Variants in PKN2 observed in about 807,000 individuals in gnomAD.
PKN2 encodes protein kinase N2, also known as serine/threonine-protein kinase N2.
Under a neutral mutation model 119.1 loss-of-function variants are expected in PKN2, and 38 were observed. The ratio of observed to expected loss-of-function variants is 0.32; its 90% CI spans 0.25 to 0.42. The LOEUF is 0.42. Among genes scored for constraint, PKN2 ranks in the 10% least tolerant of loss-of-function variants. PKN2 has a pLI of 1.00. For missense variants in PKN2, 850 were observed against 1,165.1 expected, an observed-to-expected ratio of 0.73 and a Z score of 3.94; for synonymous variants, 390 against 384.9, an observed-to-expected ratio of 1.01 and a Z score of -0.15.
chr1:88,776,356 T>A (rs1670105001), intron 6 of PKN2, among the ~76,000 whole-genome samples: 1 of 151,344 alleles, frequency 6.6e-6, no homozygotes, highest in South Asian at 2.1e-4. Context: ...GCTTTTGTTA[T>A]CTAGGAATCT....
At chr1:88,700,590 A>T (rs1011698509) in intron 1 of PKN2, among the ~76,000 whole-genome samples, 2 of 152,198 alleles carry the variant, frequency 1.3e-5, no homozygotes, top group African/African-American at 4.8e-5. Context: ...GTCTATTAAC[A>T]TTAGATCATT....
chr1:88,774,237 T>C (rs542099050), intron 6 of PKN2, among the ~76,000 whole-genome samples: 4 of 152,274 alleles, frequency 2.6e-5, no homozygotes, highest in Admixed American at 2.0e-4. Flanking sequence ...CACTTGAGCA[T>C]TGGGTGTGCA....
Position 88,827,577 on chromosome 1 carries a change from A to G in PKN2, c.2420-904A>G, listed in dbSNP as rs185022194. ...AGCATTTTAGATTTTGGATTTTTGG[A>G]TTAGGGATGTTCAACCTGTACTCTC... On this transcript the variant is annotated intron_variant, in intron 18 of 21. Coordinates refer to ENST00000370521, the MANE Select transcript of PKN2 (RefSeq NM_006256.4). Among the ~76,000 whole-genome samples, 683 of 151,468 alleles carry G rather than the reference A, an allele frequency of 4.5e-3. 3 individuals are homozygous for G. Among genetic ancestry groups the G allele is most frequent in the Admixed American group, 6.1e-3 (93 of 15,220 alleles).
At chr1:88,830,449 C>T (rs1351248096) in intron 19 of PKN2, among the ~76,000 whole-genome samples, 2 of 152,098 alleles carry the variant, frequency 1.3e-5, no homozygotes, top group African/African-American at 4.8e-5. Flanking sequence ...CTCCTCCCCA[C>T]CCCCTTCCTT....
intron 16 of PKN2, chr1:88,816,873 A>G (rs940875016): frequency 6.6e-6 from 1 of 152,228 alleles, no homozygotes; most frequent in African/African-American, 2.4e-5. Context: ...TTCGTGAAGC[A>G]TTCCATATTT....
At chr1:88,723,115 CT>C (rs569844881) in intron 1 of PKN2, among the ~76,000 whole-genome samples, 8,711 of 147,470 alleles carry the variant, frequency 0.059, 475 homozygotes, top group African/African-American at 0.14. Flanking sequence ...AGCCAGGTAT[CT>C]TTTTTTTTTT....
At chr1:88,784,948 A>G (rs1670512612) in intron 7 of PKN2, 124 bp downstream of exon 7, 1 of 503,682 alleles carries the variant, frequency 2.0e-6, no homozygotes, top group East Asian at 3.4e-5. Flanking sequence ...ATTAAAAAAT[A>G]TTAAAACCTG....
chr1:88,749,383 G>A (rs918824689), intron 2 of PKN2, among the ~76,000 whole-genome samples: 2 of 138,958 alleles, frequency 1.4e-5, no homozygotes, highest in African/African-American at 5.4e-5. Flanking sequence ...CCAGCCCGGC[G>A]ACAGTGCGAG....
At chr1:88,710,985 T>G (rs1213565412) in intron 1 of PKN2, among the ~76,000 whole-genome samples, 1 of 152,134 alleles carries the variant, frequency 6.6e-6, no homozygotes, top group Non-Finnish European at 1.5e-5. Context: ...AGAATGAGAT[T>G]ATGTCTTCTG....
rs182213117 is a variant in PKN2 at position 88,799,635 on chromosome 1, G to A, written c.1282-4756G>A. Among the ~76,000 whole-genome samples, 16 of 152,276 alleles carry A rather than the reference G, an allele frequency of 1.1e-4. No individual in the cohort carries two copies. In the East Asian group the frequency reaches 3.1e-3, roughly 29 times the overall value. On this transcript the variant is annotated intron_variant, in intron 8 of 21. Transcript: ENST00000370521. ...TTGCCTTGCCTTGCTTTTCACAACA[G>A]CATTCATCTATGGCCACCAACTCCT...
intron 1 of PKN2, chr1:88,685,112 G>T (rs1666035117): frequency 6.5e-6 from 1 of 154,654 alleles, no homozygotes; most frequent in Non-Finnish European, 1.4e-5. Flanking sequence ...CACAAAGAGC[G>T]CCCCCATAAC....
chr1:88,709,949 G>T (rs961698619), intron 1 of PKN2, among the ~76,000 whole-genome samples: 1 of 152,102 alleles, frequency 6.6e-6, no homozygotes, highest in African/African-American at 2.4e-5. Context: ...AGAAGGGACA[G>T]GTAAAAAAAT....
At chr1:88,694,954 C>A (rs997483490) in intron 1 of PKN2, among the ~76,000 whole-genome samples, 4 of 152,162 alleles carry the variant, frequency 2.6e-5, no homozygotes, top group African/African-American at 9.6e-5. Context: ...AGTGAAACCC[C>A]GTCTGTACTA....
chr1:88,721,266 C>G (rs1279238296), intron 1 of PKN2, among the ~76,000 whole-genome samples: 1 of 152,116 alleles, frequency 6.6e-6, no homozygotes, highest in Non-Finnish European at 1.5e-5. Flanking sequence ...TCCCTTTTCA[C>G]CATATCCATA....
chr1:88,832,462 TATATG>T (rs1672768702), intron 19 of PKN2, among the ~76,000 whole-genome samples: 1 of 152,028 alleles, frequency 6.6e-6, no homozygotes, highest in Non-Finnish European at 1.5e-5. Context: ...AGTCATATCA[TATATG>T]AGATAGACAA....
intron 3 of PKN2, among the ~76,000 whole-genome samples, chr1:88,763,786 T>TGA (rs1669546131): frequency 2.0e-5 from 3 of 152,150 alleles, no homozygotes; most frequent in Non-Finnish European, 2.9e-5. Context: ...ACTTTTGGTA[T>TGA]CTTGGATATG....
At chr1:88,805,345 A>T in intron 10 of PKN2, 152 bp from the exon 11 acceptor site, 1 of 609,778 alleles carries the variant, frequency 1.6e-6, no homozygotes, top group Non-Finnish European at 2.8e-6. Flanking sequence ...ATTAGCCTTT[A>T]CTAGCAAATA....
chr1:88,812,236 C>A (rs1671808444), intron 15 of PKN2, among the ~76,000 whole-genome samples: 1 of 152,158 alleles, frequency 6.6e-6, no homozygotes, highest in South Asian at 2.1e-4. Context: ...CCTAAGACAT[C>A]TGTGCAGATA....
chr1:88,778,094 T>C (rs915850489), intron 6 of PKN2, among the ~76,000 whole-genome samples: 1 of 152,220 alleles, frequency 6.6e-6, no homozygotes, highest in Admixed American at 6.5e-5. Context: ...GTCCATCTTT[T>C]CTGGACCCAA....
Sources: gnomAD v4.1 joint callset for allele counts (sites outside exome capture counted in the v4.1 genomes callset) on GRCh38, gnomAD v4.1.1 for gene constraint, MANE v1.5 for transcripts, NCBI Gene and HGNC (gene_info 2026-07-23, HGNC 2026-07-21) for gene names.